Variants in ZC3H3 observed in about 807,000 individuals in gnomAD.
ZC3H3 encodes the protein zinc finger CCCH domain-containing protein 3.
A neutral mutation model predicts 77.3 loss-of-function variants in ZC3H3; 36 were observed. That is an observed-to-expected ratio of 0.47 (90% CI 0.36 to 0.61). The LOEUF is 0.61. Among genes scored for constraint, ZC3H3 ranks in the 20% least tolerant of loss-of-function variants. The probability of loss-of-function intolerance (pLI) is 0.00; values close to 1 mark genes in which losing one functional copy is unlikely to be tolerated. For missense variants in ZC3H3, 1,331 were observed against 1,312.2 expected, an observed-to-expected ratio of 1.01 and a Z score of -0.22; for synonymous variants, 626 against 555.2, an observed-to-expected ratio of 1.13 and a Z score of -1.79.
At chr8:143,495,848 T>C in intron 4 of ZC3H3, among the ~76,000 whole-genome samples, 1 of 151,642 alleles carries the variant, frequency 6.6e-6, no homozygotes, top group East Asian at 1.9e-4. Flanking sequence ...GCTATCCTCC[T>C]GTCTCAGCCT....
rs545987201 is a variant in ZC3H3 at position 143,468,393 on chromosome 8, G to A, written c.2094C>T (p.Ala698=). ...CPYIHDPEKV[A]VCTRFVRGTC... is the part of the protein sequence containing the mutation. Reference sequence around the variant, plus strand: ...GGGCAGGAGGGCACCTGGTGCACACGGCCACCTTCTCGGGATCGTGGATGT... The same window carrying A: ...GGGCAGGAGGGCACCTGGTGCACACAGCCACCTTCTCGGGATCGTGGATGT... The change falls in exon 7 of 12, where the codon GCC becomes GCT. Residue 698 remains alanine, a synonymous_variant. Transcript: ENST00000262577. 17 of 1,612,734 alleles carry A rather than the reference G, an allele frequency of 1.1e-5. No homozygotes were observed. The highest frequency in any genetic ancestry group is 5.3e-5 in the African/African-American group (4 of 75,064).
Position 143,441,051 on chromosome 8 carries a change from A to G in ZC3H3, c.2377T>C (p.Cys793Arg). The G allele has an allele frequency of 6.7e-7, 1 of 1,484,298 alleles. No individual in the cohort carries two copies. The highest frequency in any genetic ancestry group is 1.4e-5 in the South Asian group (1 of 72,780). 91.9% of individuals were successfully genotyped at this position (1,484,298 alleles called of 1,614,324 possible). ...TTCTGGGTACGGTGGAGCAGCTGGC[A>G]CTGGGCGCCGCGGGGACACGCCCCC... ...RRGACPRGAQ[C>R]QLLHRTQKRH... is the part of the protein sequence containing the mutation. Residue 793 changes from cysteine (C) to arginine (R), a missense_variant, in exon 10 of 12, where the codon TGC (cysteine) becomes CGC (arginine). Cys to Arg is a radical substitution (Grantham distance 180). Coordinates refer to ENST00000262577, the MANE Select transcript of ZC3H3 (RefSeq NM_015117.3).
At chr8:143,529,264 G>T (rs997856859) in intron 3 of ZC3H3, among the ~76,000 whole-genome samples, 2 of 152,186 alleles carry the variant, frequency 1.3e-5, no homozygotes, top group Admixed American at 1.3e-4. Flanking sequence ...GGGACAGAGG[G>T]ACAGAGGGGT....
At chr8:143,438,137 T>C (rs1586864545) in intron 11 of ZC3H3, 50 bp from the exon 12 acceptor site, 1 of 1,580,550 alleles carries the variant, frequency 6.3e-7, no homozygotes, top group Admixed American at 1.8e-5. Flanking sequence ...TGGAAGAACC[T>C]CCCCAGCCTG....
At chr8:143,438,289 C>T (rs1819636664) in intron 11 of ZC3H3, among the ~76,000 whole-genome samples, 1 of 152,196 alleles carries the variant, frequency 6.6e-6, no homozygotes, top group African/African-American at 2.4e-5. Flanking sequence ...CTGCTGCCAA[C>T]AGGTCCTGGT....
In ZC3H3 at chr8:143,536,434, TTTTC is replaced by T; in HGVS notation, c.1380_1383del (p.Lys461AlafsTer29). The T allele has an allele frequency of 6.5e-7, 1 of 1,526,752 alleles. No individual in the cohort carries two copies. Among genetic ancestry groups the T allele is most frequent in the African/African-American group, 1.4e-5 (1 of 72,370 alleles). The allele number at this position is 1,526,752 out of a possible 1,614,324, so 94.6% of individuals were successfully genotyped here. A position where few individuals can be genotyped will look rare whatever the true frequency, so the allele number is the denominator to read the frequency against. On this transcript the variant is annotated frameshift_variant, in exon 3 of 12. Transcript: ENST00000262577. LOFTEE classifies it high-confidence loss of function. ...GCGGTGGCGGCAGGTGAGGTGCCGC[TTTTC>T]TTGTCTCCAGGAAGGCTGTGGAGAC...
chr8:143,450,297 C>T (rs1819956335), intron 9 of ZC3H3, among the ~76,000 whole-genome samples: 2 of 152,228 alleles, frequency 1.3e-5, no homozygotes, highest in South Asian at 4.1e-4. Flanking sequence ...TCTCATGCCT[C>T]AGCCTCCCAA....
rs1821266865 is a variant in ZC3H3 at position 143,493,625 on chromosome 8, T to C, written c.1715+14121A>G. 6.6e-6 allele frequency among the ~76,000 whole-genome samples: 1 copy of C among 152,226 alleles called. No homozygotes were observed. The highest frequency in any genetic ancestry group is 1.5e-5 in the Non-Finnish European group (1 of 68,036). ...AATAAATAAATAACCACAGCACACTTTGAAACAACTTCCAAATTAAGAGTT... is the reference window on the plus strand; with the variant it reads ...AATAAATAAATAACCACAGCACACTCTGAAACAACTTCCAAATTAAGAGTT... On this transcript the variant is annotated intron_variant, in intron 4 of 11. Transcript: ENST00000262577. The surrounding 1 kb of genome is among the most constrained non-coding windows in gnomAD (Gnocchi z 4.8).
At chr8:143,531,443 G>A (rs1367952718) in intron 3 of ZC3H3, among the ~76,000 whole-genome samples, 1 of 152,234 alleles carries the variant, frequency 6.6e-6, no homozygotes, top group Non-Finnish European at 1.5e-5. Context: ...GAGAGGCAGG[G>A]AGGGGAGGAG....
chr8:143,484,737 C>G, intron 4 of ZC3H3: 1 of 337,394 alleles, frequency 3.0e-6, no homozygotes, highest in Non-Finnish European at 5.8e-6. Flanking sequence ...TCTGTGCCAG[C>G]TACTGAGGGG....
At chr8:143,508,721 C>T (rs115654921) in intron 3 of ZC3H3, among the ~76,000 whole-genome samples, 2,596 of 152,060 alleles carry the variant, frequency 0.017, 69 homozygotes, top group African/African-American at 0.059. Flanking sequence ...AAGAGGCCCC[C>T]GCCCCCCTCC....
chr8:143,445,760 C>T (rs1819850551), intron 9 of ZC3H3, among the ~76,000 whole-genome samples: 1 of 152,090 alleles, frequency 6.6e-6, no homozygotes, highest in Admixed American at 6.5e-5. Context: ...ATGCCATCCC[C>T]ACAGGCTGGC....
intron 3 of ZC3H3, among the ~76,000 whole-genome samples, chr8:143,520,370 T>A (rs1357855895): frequency 3.3e-5 from 5 of 152,132 alleles, no homozygotes; most frequent in Non-Finnish European, 1.5e-5. Context: ...CTGCATGCGG[T>A]GAGGGGGCAG....
intron 2 of ZC3H3, 35 bp from the exon 3 acceptor site, chr8:143,536,488 C>G (rs1364634336): frequency 6.9e-7 from 1 of 1,456,864 alleles, no homozygotes; most frequent in Admixed American, 2.5e-5. Flanking sequence ...TCTCAACAAG[C>G]CCTGGGGGTT....
intron 4 of ZC3H3, among the ~76,000 whole-genome samples, chr8:143,506,994 A>T (rs1435271189): frequency 1.3e-5 from 2 of 152,228 alleles, no homozygotes; most frequent in Admixed American, 1.3e-4. Context: ...GAGGGTCAGA[A>T]GACAGAGGGA....
chr8:143,540,035 C>G (rs1563892646), intron 1 of ZC3H3, among the ~76,000 whole-genome samples: 1 of 152,206 alleles, frequency 6.6e-6, no homozygotes, highest in South Asian at 2.1e-4. Flanking sequence ...CAGGCCCTGC[C>G]CCCGGGGGCA....
At chr8:143,508,469 G>T (rs949262860) in intron 3 of ZC3H3, among the ~76,000 whole-genome samples, 2 of 152,230 alleles carry the variant, frequency 1.3e-5, no homozygotes, top group Non-Finnish European at 2.9e-5. Context: ...ATTTTGCAGG[G>T]TGATAGACAC....
intron 4 of ZC3H3, among the ~76,000 whole-genome samples, chr8:143,491,180 C>T (rs372887302): frequency 3.3e-5 from 5 of 152,186 alleles, no homozygotes; most frequent in Admixed American, 6.5e-5. Flanking sequence ...GCTCCGCCCT[C>T]CCCGGCCTGA....
At chr8:143,513,083 G>A (rs1393578899) in intron 3 of ZC3H3, among the ~76,000 whole-genome samples, 2 of 152,190 alleles carry the variant, frequency 1.3e-5, no homozygotes, top group East Asian at 3.9e-4. Flanking sequence ...GGCGTGGGAG[G>A]AGAGCTGGGG....
Sources: allele counts gnomAD v4.1 joint callset (sites outside exome capture counted in the v4.1 genomes callset), GRCh38; gene constraint gnomAD v4.1.1; non-coding constraint Gnocchi (gnomAD v3.1); transcripts MANE v1.5; gene names NCBI Gene and HGNC (gene_info 2026-07-23, HGNC 2026-07-21).